RSPH14: variants seen among roughly 807,000 people sequenced by gnomAD.
RSPH14 encodes the protein radial spoke head 14 homolog.
A neutral mutation model predicts 26.7 loss-of-function variants in RSPH14; 20 were observed. The observed-to-expected ratio is 0.75, with a 90% CI of 0.53 to 1.09. The LOEUF is 1.09. RSPH14 is among the 50% of genes least tolerant of loss of function. RSPH14 has a pLI of 0.00. For missense variants in RSPH14, 449 were observed against 457.2 expected, an observed-to-expected ratio of 0.98 and a Z score of 0.16; for synonymous variants, 177 against 189.3, an observed-to-expected ratio of 0.93 and a Z score of 0.53.
chr22:23,173,181 C>T, the RSPH14 span, among the ~76,000 whole-genome samples: 5 of 152,026 alleles, frequency 3.3e-5, no homozygotes, highest in Admixed American at 2.0e-4. Context: ...GTCACCCAGG[C>T]TGGAGTGCAG....
chr22:23,179,462 G>C, the RSPH14 span, among the ~76,000 whole-genome samples: 9 of 152,154 alleles, frequency 5.9e-5, no homozygotes, highest in Non-Finnish European at 1.2e-4. Context: ...TTCACTCCCT[G>C]CTCTGGGCTG....
At chr22:23,163,614 C>CCCCCG in the RSPH14 span, 1 of 149,014 alleles carries the variant, frequency 6.7e-6, no homozygotes, top group Non-Finnish European at 1.5e-5. Flanking sequence ...AAGCCCCCCC[C>CCCCCG]CCGCCACATT....
chr22:23,171,487 A>C, the RSPH14 span, among the ~76,000 whole-genome samples: 1 of 152,204 alleles, frequency 6.6e-6, no homozygotes, highest in Non-Finnish European at 1.5e-5. Context: ...TAGAATTTCA[A>C]CATACAAATT....
At chr22:23,073,570 C>G (rs902747736) in intron 4 of RSPH14, among the ~76,000 whole-genome samples, 1 of 152,208 alleles carries the variant, frequency 6.6e-6, no homozygotes, top group African/African-American at 2.4e-5. Flanking sequence ...CCTGCCCTGT[C>G]CCCACACCAG....
chr22:23,090,488 G>A (rs768551132), intron 4 of RSPH14, among the ~76,000 whole-genome samples: 1 of 152,140 alleles, frequency 6.6e-6, no homozygotes, highest in Non-Finnish European at 1.5e-5. Context: ...GTCACACAGG[G>A]CAGGTCATGG....
chr22:23,091,425 A>T (rs549903848), intron 4 of RSPH14, among the ~76,000 whole-genome samples: 1 of 150,298 alleles, frequency 6.7e-6, no homozygotes, highest in East Asian at 2.0e-4. Context: ...CACACGCACC[A>T]CAATGGATTT....
chr22:23,065,934 C>G (rs2068201092), intron 4 of RSPH14, among the ~76,000 whole-genome samples: 1 of 152,142 alleles, frequency 6.6e-6, no homozygotes, highest in Non-Finnish European at 1.5e-5. Context: ...CTGATCCTCT[C>G]TCTCTCGCAG....
intron 4 of RSPH14, among the ~76,000 whole-genome samples, chr22:23,114,756 G>A (rs1272382551): frequency 1.3e-5 from 2 of 152,214 alleles, no homozygotes; most frequent in South Asian, 2.1e-4. Flanking sequence ...CAGAGCAGGA[G>A]GTTGGGCCTG....
the RSPH14 span, among the ~76,000 whole-genome samples, chr22:23,160,680 A>G: frequency 6.6e-6 from 1 of 152,232 alleles, no homozygotes; most frequent in Admixed American, 6.5e-5. Flanking sequence ...AGGCCAGGCC[A>G]GTGGACCCTG....
chr22:23,062,930 G>A (rs765593737), intron 5 of RSPH14, among the ~76,000 whole-genome samples: 1 of 152,242 alleles, frequency 6.6e-6, no homozygotes, highest in Admixed American at 6.5e-5. Context: ...AAGCTCCCCC[G>A]CTGCAAACCC....
At chr22:23,077,192 C>A (rs933650021) in intron 4 of RSPH14, among the ~76,000 whole-genome samples, 1 of 152,106 alleles carries the variant, frequency 6.6e-6, no homozygotes, top group Admixed American at 6.5e-5. Flanking sequence ...CAGCTTTAAC[C>A]CACCCTATCT....
At chr22:23,142,452 C>CT (rs199691973), upstream of RSPH14, among the ~76,000 whole-genome samples, 855 of 152,318 alleles carry the variant, frequency 5.6e-3, 4 homozygotes, top group African/African-American at 0.02. Flanking sequence ...ATTCTCCTGC[C>CT]TAAGCCTCCC....
chr22:23,142,652 T>C (rs2070623647), upstream of RSPH14, among the ~76,000 whole-genome samples: 1 of 152,160 alleles, frequency 6.6e-6, no homozygotes, highest in Admixed American at 6.5e-5. Context: ...TCCCCCAAAT[T>C]ACATAGGCCT....
intron 4 of RSPH14, among the ~76,000 whole-genome samples, chr22:23,107,463 C>T (rs1442221896): frequency 1.3e-5 from 2 of 152,172 alleles, no homozygotes; most frequent in African/African-American, 4.8e-5. Flanking sequence ...AAACCCAGGG[C>T]CTGAGAGTGT....
At chr22:23,114,260 A>G (rs2069751131) in intron 4 of RSPH14, among the ~76,000 whole-genome samples, 1 of 152,072 alleles carries the variant, frequency 6.6e-6, no homozygotes, top group Non-Finnish European at 1.5e-5. Flanking sequence ...GAAAAAGCTG[A>G]ATTCACGGTT....
chr22:23,099,350 G>A (rs1393580863), intron 4 of RSPH14, among the ~76,000 whole-genome samples: 2 of 152,240 alleles, frequency 1.3e-5, no homozygotes, highest in East Asian at 1.9e-4. Flanking sequence ...ACCCTCGTCC[G>A]AAGGAATTGG....
At chr22:23,065,992 G>T (rs1429445546) in intron 4 of RSPH14, among the ~76,000 whole-genome samples, 2 of 152,094 alleles carry the variant, frequency 1.3e-5, no homozygotes, top group African/African-American at 4.8e-5. Context: ...CTCCCGCTCT[G>T]CTTCCCCTCA....
chr22:23,138,345 T>C (rs1462175187), intron 3 of RSPH14, among the ~76,000 whole-genome samples: 1 of 152,146 alleles, frequency 6.6e-6, no homozygotes, highest in Non-Finnish European at 1.5e-5. Context: ...GCAGATCACT[T>C]GAGGCCAGGA....
chr22:23,179,660 G>A, the RSPH14 span: 2 of 155,736 alleles, frequency 1.3e-5, no homozygotes, highest in East Asian at 3.5e-4. Context: ...TGACCTGAGG[G>A]AGAAATCCCT....
Sources: gnomAD v4.1 joint callset for allele counts (sites outside exome capture counted in the v4.1 genomes callset) on GRCh38, gnomAD v4.1.1 for gene constraint, MANE v1.5 for transcripts, NCBI Gene and HGNC (gene_info 2026-07-23, HGNC 2026-07-21) for gene names.